The following VIPR2 variants were observed in gnomAD, a reference collection of about 807,000 sequenced individuals.
VIPR2 encodes the protein vasoactive intestinal peptide receptor 2.
VIPR2 carries 48 observed loss-of-function variants against 58.0 expected under a neutral mutation model. The ratio of observed to expected loss-of-function variants is 0.83; its 90% CI spans 0.66 to 1.05. The LOEUF (loss-of-function observed/expected upper bound fraction) is 1.05, where lower values mean the gene tolerates loss of function less well. Among genes scored for constraint, VIPR2 ranks in the 50% least tolerant of loss-of-function variants. The pLI, the probability that VIPR2 is intolerant of heterozygous loss-of-function variation, is 0.00. For missense variants in VIPR2, 534 were observed against 558.0 expected (o/e 0.96, Z 0.43); for synonymous variants, 243 against 235.2 (o/e 1.03, Z -0.30).
At chr7:159,043,789 C>G (rs144758427) in intron 5 of VIPR2, among the ~76,000 whole-genome samples, 1 of 152,152 alleles carries the variant, frequency 6.6e-6, no homozygotes, top group South Asian at 2.1e-4. Flanking sequence ...TAAGATTCCG[C>G]GGGCTGAGAA....
chr7:159,141,254 C>T (rs1253976252), intron 2 of VIPR2, among the ~76,000 whole-genome samples: 2 of 152,272 alleles, frequency 1.3e-5, no homozygotes, highest in Non-Finnish European at 2.9e-5. Flanking sequence ...ACTTTATTTG[C>T]CTTTCTCTGG....
At chr7:159,104,439 C>G (rs181413677) in intron 3 of VIPR2, among the ~76,000 whole-genome samples, 3 of 151,106 alleles carry the variant, frequency 2.0e-5, no homozygotes, top group African/African-American at 7.4e-5. Flanking sequence ...CGACAGCACC[C>G]TCCCTCCTCC....
intron 2 of VIPR2, among the ~76,000 whole-genome samples, chr7:159,120,242 C>T (rs1796406493): frequency 6.6e-6 from 1 of 152,204 alleles, no homozygotes; most frequent in Non-Finnish European, 1.5e-5. Flanking sequence ...TGTCATTCTC[C>T]TCACCTGTCT....
chr7:159,120,986 A>T (rs1796432443), intron 2 of VIPR2, among the ~76,000 whole-genome samples: 1 of 152,228 alleles, frequency 6.6e-6, no homozygotes, highest in Admixed American at 6.5e-5. Context: ...CTCTGCAAAA[A>T]GCACCCTTGC....
At chr7:159,047,912 A>G (rs557767262) in intron 5 of VIPR2, among the ~76,000 whole-genome samples, 8 of 152,206 alleles carry the variant, frequency 5.3e-5, no homozygotes, top group Non-Finnish European at 1.2e-4. Context: ...CAAAAGCAAA[A>G]TGACAATATA....
chr7:159,092,427 T>A (rs973544757), intron 4 of VIPR2, among the ~76,000 whole-genome samples: 2 of 152,164 alleles, frequency 1.3e-5, no homozygotes, highest in Admixed American at 6.5e-5. Flanking sequence ...CTCCTCAAGA[T>A]GACAGGGTGA....
Position 159,098,888 on chromosome 7 carries a change from G to A in VIPR2, c.357+4869C>T, listed in dbSNP as rs1192402013. On this transcript the variant is annotated intron_variant, in intron 4 of 12. Transcript: ENST00000262178. The surrounding 1 kb of genome is among the most constrained non-coding windows in gnomAD (Gnocchi z 5.2). Reference sequence around the variant, plus strand: ...GGGAAGCAAGTGGGCCTGATGGGACGAAGCGTGAGCTCCGGGCAGGAGAAA... The same window carrying A: ...GGGAAGCAAGTGGGCCTGATGGGACAAAGCGTGAGCTCCGGGCAGGAGAAA... Among the ~76,000 whole-genome samples, 2 of 152,232 alleles carry A rather than the reference G, an allele frequency of 1.3e-5. No individual in the cohort carries two copies. The highest frequency in any genetic ancestry group is 6.5e-5 in the Admixed American group (1 of 15,290).
intron 5 of VIPR2, among the ~76,000 whole-genome samples, chr7:159,051,105 G>A (rs1016254111): frequency 1.3e-5 from 2 of 152,150 alleles, no homozygotes; most frequent in Non-Finnish European, 2.9e-5. Flanking sequence ...AACACTACAG[G>A]GAAATCTTCC....
At chr7:159,054,803 T>C (rs1855210657) in intron 5 of VIPR2, among the ~76,000 whole-genome samples, 1 of 152,228 alleles carries the variant, frequency 6.6e-6, no homozygotes, top group Admixed American at 6.5e-5. Flanking sequence ...TAACTGTACA[T>C]ATTTATGGGG....
intron 2 of VIPR2, among the ~76,000 whole-genome samples, chr7:159,129,131 C>T (rs1295099055): frequency 7.8e-6 from 1 of 127,416 alleles, no homozygotes; most frequent in Admixed American, 7.7e-5. Context: ...TTCCCTCAAA[C>T]TGGCCTCTGG....
rs532200289 is a variant in VIPR2 at position 159,131,013 on chromosome 7, C to A, written c.151+11433G>T. Reference sequence around the variant, plus strand: ...GGCCCAGCATGGCAGTCTCCTCTTCCAGACAGAATGCGCTGCCTCCGCCCA... The same window carrying A: ...GGCCCAGCATGGCAGTCTCCTCTTCAAGACAGAATGCGCTGCCTCCGCCCA... On this transcript the variant is annotated intron_variant, in intron 2 of 12. Coordinates refer to ENST00000262178, the MANE Select transcript of VIPR2 (RefSeq NM_003382.5). Among the ~76,000 whole-genome samples the A allele has an allele frequency of 5.2e-4, 79 of 152,322 alleles. 1 individual carries two copies. The highest frequency in any genetic ancestry group is 6.8e-3 in the Middle Eastern group (2 of 294).
intron 4 of VIPR2, among the ~76,000 whole-genome samples, chr7:159,069,369 G>A (rs73730141): frequency 0.013 from 2,043 of 152,268 alleles, 44 homozygotes; most frequent in African/African-American, 0.043. Context: ...ATGCACTCCT[G>A]GGAACGAACG....
At position 159,031,323 on chromosome 7, in the gene VIPR2, G is replaced by A. The variant is rs556961845; in HGVS notation, c.1143+505C>T. On this transcript the variant is annotated intron_variant, in intron 12 of 12. Transcript: ENST00000262178. This position sits in a 1 kb window ranked among gnomAD's most constrained non-coding sequence, Gnocchi z 4.0. ...GCGCCAGCAACCGCAGCGTGGGGCG[G>A]GAGGGTCAGGGGTCAGGGGACGGGG... Among the ~76,000 whole-genome samples, 8 of 152,244 alleles carry A rather than the reference G, an allele frequency of 5.3e-5. No individual in the cohort carries two copies. In the South Asian group the frequency reaches 1.7e-3, roughly 32 times the overall value.
chr7:159,079,840 G>A (rs987807466), intron 4 of VIPR2, among the ~76,000 whole-genome samples: 21 of 152,056 alleles, frequency 1.4e-4, no homozygotes, highest in African/African-American at 9.7e-5. Flanking sequence ...TATAAACACC[G>A]CTACGCAAAT....
chr7:159,132,893 C>CAGAATGATTGGCATACAGATTGATTTG (rs1797011359), intron 2 of VIPR2, among the ~76,000 whole-genome samples: 1 of 23,784 alleles, frequency 4.2e-5, no homozygotes, highest in Non-Finnish European at 8.6e-5. Flanking sequence ...AGATTGATTT[C>CAGAATGATTGGCATACAGATTGATTTG]AGACAGAATG....
intron 4 of VIPR2, among the ~76,000 whole-genome samples, chr7:159,068,108 T>C (rs1285498588): frequency 2.6e-5 from 4 of 152,228 alleles, no homozygotes; most frequent in African/African-American, 9.6e-5. Flanking sequence ...GTGTGTTTAC[T>C]GAAAATATCA....
At chr7:159,122,276 T>A (rs1796481676) in intron 2 of VIPR2, among the ~76,000 whole-genome samples, 1 of 152,116 alleles carries the variant, frequency 6.6e-6, no homozygotes, top group Non-Finnish European at 1.5e-5. Flanking sequence ...GCCTTTAGCA[T>A]CAAATTCTAG....
intron 5 of VIPR2, among the ~76,000 whole-genome samples, chr7:159,046,312 C>T (rs1004352417): frequency 2.6e-5 from 4 of 152,150 alleles, no homozygotes; most frequent in African/African-American, 7.2e-5. Flanking sequence ...TGAAACAGTT[C>T]AAATGTCCAT....
chr7:159,061,959 C>T (rs1005489487), intron 4 of VIPR2, among the ~76,000 whole-genome samples: 5 of 152,174 alleles, frequency 3.3e-5, no homozygotes, highest in African/African-American at 7.2e-5. Context: ...GAGTCCATGG[C>T]GGGAGGGCGG....
Sources: allele counts gnomAD v4.1 joint callset (sites outside exome capture counted in the v4.1 genomes callset), GRCh38; gene constraint gnomAD v4.1.1; non-coding constraint Gnocchi (gnomAD v3.1); transcripts MANE v1.5; gene names NCBI Gene and HGNC (gene_info 2026-07-23, HGNC 2026-07-21).